Variants in DST observed in about 807,000 individuals in gnomAD.
DST encodes the protein dystonin.
DST carries 253 observed loss-of-function variants against 875.2 expected under a neutral mutation model. That is an observed-to-expected ratio of 0.29 (90% confidence interval 0.26 to 0.32). The LOEUF is 0.32. DST is among the 10% of genes least tolerant of loss of function. The pLI is 1.00. For synonymous variants in DST, 3,124 were observed against 3,197.1 expected (o/e 0.98, Z 0.77); for missense variants, 8,287 against 9,111.6 (o/e 0.91, Z 3.68).
At chr6:56,464,378 G>GTGTTT (rs2094479567) in intron 100 of DST, 1 of 392,720 alleles carries the variant, frequency 2.5e-6, no homozygotes, top group African/African-American at 2.0e-5. Flanking sequence ...CCAGACCCAA[G>GTGTTT]GATCTGTGAG....
chr6:56,784,259 T>G (rs2099700376), intron 4 of DST, among the ~76,000 whole-genome samples: 1 of 152,230 alleles, frequency 6.6e-6, no homozygotes, highest in Non-Finnish European at 1.5e-5. Flanking sequence ...TTCCTGAATC[T>G]GAATGTTGGC....
At position 56,905,885 on chromosome 6, in the gene DST, G is replaced by A. The variant is rs372571329; in HGVS notation, c.217-5264C>T. Among the ~76,000 whole-genome samples, 20 of 152,228 alleles carry A rather than the reference G, an allele frequency of 1.3e-4. No individual in the cohort carries two copies. In the East Asian group the frequency reaches 2.1e-3, roughly 16 times the overall value. ...GCTGGTCTTGAACTCCTGACCTCAG[G>A]TGATCCACCCATCTCGGCCTTCCAA... On this transcript the variant is annotated intron_variant, in intron 2 of 103. Transcript: ENST00000680361.
At chr6:56,848,478 A>T (rs1398805344) in intron 4 of DST, among the ~76,000 whole-genome samples, 1 of 152,224 alleles carries the variant, frequency 6.6e-6, no homozygotes, top group Non-Finnish European at 1.5e-5. Context: ...GTATGAAAAT[A>T]TATAACAAAA....
intron 9 of DST, among the ~76,000 whole-genome samples, chr6:56,681,612 T>G (rs2099157771): frequency 6.6e-6 from 1 of 152,216 alleles, no homozygotes; most frequent in Admixed American, 6.5e-5. Flanking sequence ...TGTGTCATTA[T>G]TGTCTCTTGT....
chr6:56,886,403 T>C (rs2127649678), intron 3 of DST, among the ~76,000 whole-genome samples: 1 of 152,308 alleles, frequency 6.6e-6, no homozygotes, highest in East Asian at 1.9e-4. Context: ...AGGGTGTTTG[T>C]TCAGGAGATA....
intron 3 of DST, 124 bp downstream of exon 3, chr6:56,900,297 C>T (rs1287339493): frequency 1.3e-6 from 1 of 780,078 alleles, no homozygotes. Context: ...TACGCTGCCA[C>T]TTGTTGGGAA....
intron 4 of DST, among the ~76,000 whole-genome samples, chr6:56,804,159 A>G (rs530045744): frequency 1.3e-5 from 2 of 152,302 alleles, no homozygotes; most frequent in African/African-American, 4.8e-5. Context: ...ATTAAGTAGT[A>G]AAACATCCCA....
At chr6:56,906,141 T>C (rs1796315444) in intron 2 of DST, among the ~76,000 whole-genome samples, 1 of 152,210 alleles carries the variant, frequency 6.6e-6, no homozygotes, top group Admixed American at 6.5e-5. Flanking sequence ...TTTAACTTTT[T>C]GAGAAACCAC....
At chr6:56,636,953 C>T (rs547788214) in intron 22 of DST, among the ~76,000 whole-genome samples, 20 of 152,182 alleles carry the variant, frequency 1.3e-4, no homozygotes, top group African/African-American at 4.1e-4. Context: ...TATGGTGGCA[C>T]GCGCCTGTGA....
rs770675362 is a variant in DST, at chr6:56,477,311, T to G, written c.21675+34A>C. 4.4e-6 allele frequency: 7 copies of G among 1,602,612 alleles called. No individual in the cohort carries two copies. The African/African-American group carries it at 9.4e-5, about 21-fold the overall frequency. On this transcript the variant is annotated intron_variant, in intron 91 of 103. Transcript: ENST00000680361. ...CCACACCCCTCAACTCTCAAAGCTA[T>G]TGCTACTCTGAAGATTATCTGAGAC... is the stretch of plus-strand genomic sequence containing the variant.
intron 4 of DST, among the ~76,000 whole-genome samples, chr6:56,766,839 C>T (rs147107941): frequency 3.9e-5 from 6 of 152,160 alleles, no homozygotes; most frequent in African/African-American, 1.4e-4. Flanking sequence ...CCTTGCAGTA[C>T]CTTTAATAGT....
chr6:56,471,039 C>A, intron 95 of DST, 67 bp downstream of exon 95: 1 of 1,476,098 alleles, frequency 6.8e-7, no homozygotes, highest in South Asian at 1.3e-5. Flanking sequence ...ACCAGACCCA[C>A]ACTTTTAAAA....
chr6:56,951,983 T>G (rs1234003708), intron 2 of DST, among the ~76,000 whole-genome samples: 1 of 152,134 alleles, frequency 6.6e-6, no homozygotes, highest in African/African-American at 2.4e-5. Context: ...TTTTTTTCAT[T>G]CATTCATTCA....
In DST at chr6:56,526,505, A is replaced by T; in HGVS notation, c.17985T>A (p.Ser5995Arg). The T allele has an allele frequency of 6.2e-7, 1 of 1,613,836 alleles. No homozygotes were observed. Among genetic ancestry groups the T allele is most frequent in the South Asian group, 1.1e-5 (1 of 91,086 alleles). ...TCCATGGTACCAGTTCCAGCAAAGC[A>T]CTGCTCACTTCATTAAGGGAGTCCA... ...ALLDSLNEVS[S>R]ALLELVPWRA... Residue 5995 changes from serine to arginine, a missense_variant, in exon 69 of 104, where the codon AGT (serine) becomes AGA (arginine). Ser to Arg is a moderately radical substitution (Grantham distance 110, BLOSUM62 -1). Transcript: ENST00000680361.
At chr6:56,782,850 T>A (rs1447470346) in intron 4 of DST, among the ~76,000 whole-genome samples, 2 of 152,218 alleles carry the variant, frequency 1.3e-5, no homozygotes, top group Admixed American at 6.5e-5. Context: ...TGCTTTCTCT[T>A]GTGGGCATTT....
intron 9 of DST, chr6:56,693,374 T>C: frequency 1.8e-6 from 2 of 1,122,954 alleles, no homozygotes; most frequent in Non-Finnish European, 2.2e-6. Flanking sequence ...ACACTGTGGC[T>C]TATTTCTGGC....
At chr6:56,851,338 A>G in intron 4 of DST, 59 bp downstream of exon 4, 4 of 1,510,380 alleles carry the variant, frequency 2.6e-6, no homozygotes, top group Non-Finnish European at 3.6e-6. Flanking sequence ...CAGGAGGTAG[A>G]TGGGCGAATT....
intron 4 of DST, among the ~76,000 whole-genome samples, chr6:56,807,452 C>T (rs916527843): frequency 3.3e-5 from 5 of 152,134 alleles, no homozygotes; most frequent in South Asian, 2.1e-4. Context: ...AAAACAATTA[C>T]GTAAAAGGAC....
intron 90 of DST, among the ~76,000 whole-genome samples, chr6:56,477,708 G>T (rs2095255642): frequency 6.6e-6 from 1 of 152,120 alleles, no homozygotes; most frequent in Non-Finnish European, 1.5e-5. Context: ...TCATCCCTTG[G>T]AATCCAAGGG....
Sources: gnomAD v4.1 joint callset for allele counts (sites outside exome capture counted in the v4.1 genomes callset) on GRCh38, gnomAD v4.1.1 for gene constraint, MANE v1.5 for transcripts, NCBI Gene and HGNC (gene_info 2026-07-23, HGNC 2026-07-21) for gene names.